The following LYVE1 variants were observed in gnomAD, a reference collection of about 807,000 sequenced individuals.
LYVE1 encodes lymphatic vessel endothelial hyaluronan receptor 1, also known as lymphatic vessel endothelial hyaluronic acid receptor 1.
Under a neutral mutation model 31.5 loss-of-function variants are expected in LYVE1, and 29 were observed. That is an observed-to-expected ratio of 0.92 (90% CI 0.69 to 1.26). The LOEUF (loss-of-function observed/expected upper bound fraction) is 1.26, where lower values mean the gene tolerates loss of function less well. LYVE1 is among the 50% of genes most tolerant of loss of function. LYVE1 has a pLI of 0.00. For missense variants in LYVE1, 376 were observed against 380.2 expected (o/e 0.99, Z 0.09); for synonymous variants, 134 against 139.4 (o/e 0.96, Z 0.27).
intron 3 of LYVE1, 57 bp downstream of exon 3, chr11:10,563,883 C>T (rs1850481081): frequency 1.2e-6 from 2 of 1,607,306 alleles, no homozygotes; most frequent in Non-Finnish European, 1.7e-6. Context: ...CCAGACAGGT[C>T]TCAGAGTGAG....
chr11:10,558,024 T>C lies in LYVE1; in HGVS notation c.*1087A>G. ...ACAATGTACTTCTTAGGTATGTTAA[T>C]AATAAATTAAGGTTATAATGGTTGC... is the stretch of plus-strand genomic sequence containing the variant. On this transcript the variant is annotated 3_prime_UTR_variant, in exon 6 of 6. Transcript: ENST00000256178. The C allele has an allele frequency of 6.6e-6, 1 of 152,208 alleles. No homozygotes were observed. The highest frequency in any genetic ancestry group is 1.5e-5 in the Non-Finnish European group (1 of 68,040). The allele number at this position is 152,208 out of a possible 1,614,324, so 9.4% of individuals were successfully genotyped here.
Position 10,559,252 on chromosome 11 carries a change from T to A in LYVE1, c.828A>T (p.Glu276Asp). 2 of 1,614,168 alleles carry A rather than the reference T, an allele frequency of 1.2e-6. No individual in the cohort carries two copies. The highest frequency in any genetic ancestry group is 1.7e-6 in the Non-Finnish European group (2 of 1,180,022). ...FPFTNKNQQK[E>D]MIETKVVKEE... is the part of the protein sequence containing the mutation. ...CCTTTACTACTTTGGTTTCGATCAT[T>A]TCCTTCTGCTGATTCTTGTTTGTAA... The change falls in exon 6 of 6, where the codon GAA becomes GAT. Residue 276 changes from glutamate to aspartate, a missense_variant. Coordinates refer to ENST00000256178, the MANE Select transcript of LYVE1 (RefSeq NM_006691.4).
chr11:10,568,305 A>G, intron 1 of LYVE1, 143 bp downstream of exon 1: 1 of 558,424 alleles, frequency 1.8e-6, no homozygotes, highest in Non-Finnish European at 2.9e-6. Context: ...ATATGGTGGT[A>G]CATTTTTGGC....
intron 2 of LYVE1, 51 bp from the exon 3 acceptor site, chr11:10,564,130 T>G: frequency 6.2e-7 from 1 of 1,614,050 alleles, no homozygotes; most frequent in Non-Finnish European, 8.5e-7. Flanking sequence ...GAAGGCTTCA[T>G]CTCTATTGCT....
rs1027875981 is a variant in LYVE1, at chr11:10,568,459, A to G, written c.74T>C (p.Leu25Ser). 1.9e-6 allele frequency: 3 copies of G among 1,614,022 alleles called. No individual in the cohort carries two copies. Among genetic ancestry groups the G allele is most frequent in the Non-Finnish European group, 2.5e-6 (3 of 1,179,922 alleles). ...WTTRLLVQGS[L>S]RAEELSIQVS... ...GGTGAGAAACCTACCTTCTGCACGC[A>G]AAGAGCCTTGGACCAGGAGCCTCGT... Residue 25 changes from leucine (L) to serine (S), a missense_variant, in exon 1 of 6, where the codon TTG (leucine) becomes TCG (serine). Coordinates refer to ENST00000256178, the MANE Select transcript of LYVE1 (RefSeq NM_006691.4).
rs1433490448 is a variant in LYVE1, at chr11:10,559,850, C to T, written c.748G>A (p.Ala250Thr). 3 of 1,613,932 alleles carry T rather than the reference C, an allele frequency of 1.9e-6. No individual in the cohort carries two copies. The highest frequency in any genetic ancestry group is 1.1e-5 in the South Asian group (1 of 91,076). ...TAGCAAAATCCAAGACCAGCTGCAG[C>T]ACCAAAGAAGAGGAGAGCAAGCACT... ...LLVLALLFFG[A>T]AAGLGFCYVK... is the part of the protein sequence containing the mutation. The change falls in exon 5 of 6, where the codon GCT (alanine) becomes ACT (threonine). Residue 250 changes from alanine to threonine, a missense_variant. Physicochemically the swap from Ala to Thr is moderately conservative, Grantham distance 58. Transcript: ENST00000256178.
intron 3 of LYVE1, among the ~76,000 whole-genome samples, chr11:10,563,241 GC>G (rs1850468604): frequency 6.6e-6 from 1 of 152,044 alleles, no homozygotes; most frequent in Non-Finnish European, 1.5e-5. Flanking sequence ...GAGCCACTGT[GC>G]CCGGCCTGAA....
At chr11:10,562,953 T>C (rs1295937937) in intron 3 of LYVE1, among the ~76,000 whole-genome samples, 4 of 135,534 alleles carry the variant, frequency 3.0e-5, no homozygotes, top group African/African-American at 1.1e-4. Context: ...TTTCTTTTTT[T>C]TTTTTTTTTT....
rs756672561 is a variant in LYVE1 at position 10,568,481 on chromosome 11, T to G, written c.52A>C (p.Arg18=). The part of the protein sequence containing the change: ...VLLLTSIWTT[R]LLVQGSLRAE... ...CGCAAAGAGCCTTGGACCAGGAGCC[T>G]CGTGGTCCAGATGGAAGTGAGAAGC... Residue 18 remains arginine, a synonymous_variant, in exon 1 of 6, where the codon AGG becomes CGG. Transcript: ENST00000256178. 2 of 1,613,948 alleles carry G rather than the reference T, an allele frequency of 1.2e-6. No homozygotes were observed. Among genetic ancestry groups the G allele is most frequent in the African/African-American group, 2.7e-5 (2 of 74,928 alleles).
In LYVE1 at chr11:10,559,907, G is replaced by A; in HGVS notation, c.704-13C>T. 1 of 1,597,878 alleles carries A rather than the reference G, an allele frequency of 6.3e-7. No individual in the cohort carries two copies. Among genetic ancestry groups the A allele is most frequent in the Non-Finnish European group, 8.6e-7 (1 of 1,165,288 alleles). On this transcript the variant is annotated splice_polypyrimidine_tract_variant and intron_variant, in intron 4 of 5. Transcript: ENST00000256178. Reference sequence around the variant, plus strand: ...GCCGTGGGGACACCTGCAAGGAACAGAGACAAGGCCTGTTGGTCCTTCACT... The same window carrying A: ...GCCGTGGGGACACCTGCAAGGAACAAAGACAAGGCCTGTTGGTCCTTCACT...
intron 3 of LYVE1, 111 bp downstream of exon 3, chr11:10,563,829 G>A: frequency 7.4e-7 from 1 of 1,349,266 alleles, no homozygotes; most frequent in Non-Finnish European, 1.0e-6. Context: ...GAATTAGATG[G>A]CCGTGGCTGT....
At position 10,563,956 on chromosome 11, in the gene LYVE1, A is replaced by G. The variant is rs763181084; in HGVS notation, c.381T>C (p.Tyr127=). The change falls in exon 3 of 6, where the codon TAT becomes TAC. Residue 127 remains tyrosine (Y), a synonymous_variant. Transcript: ENST00000256178. Reference sequence around the variant, plus strand: ...CAGACTCACCAGATGAGTTGTAACAATAGGCTGCAAACTGTCGGCTCACTG... The same window carrying G: ...CAGACTCACCAGATGAGTTGTAACAGTAGGCTGCAAACTGTCGGCTCACTG... ...KVPVSRQFAA[Y]CYNSSDTWTN... is the part of the protein sequence containing the mutation. 20 of 1,614,214 alleles carry G rather than the reference A, an allele frequency of 1.2e-5. No homozygotes were observed. The East Asian group carries it at 3.3e-4, about 27-fold the overall frequency.
intron 5 of LYVE1, among the ~76,000 whole-genome samples, chr11:10,559,501 T>C (rs780726764): frequency 4.6e-5 from 7 of 152,220 alleles, no homozygotes; most frequent in Admixed American, 1.3e-4. Context: ...GGCCAGACTT[T>C]AGGCTGACCA....
intron 3 of LYVE1, among the ~76,000 whole-genome samples, chr11:10,563,087 G>A (rs897851367): frequency 6.6e-6 from 1 of 151,266 alleles, no homozygotes; most frequent in Non-Finnish European, 1.5e-5. Context: ...CCGAGTAGCT[G>A]GGACTACAGG....
intron 3 of LYVE1, 41 bp downstream of exon 3, chr11:10,563,898 AC>A (rs772674256): frequency 9.9e-6 from 16 of 1,612,998 alleles, no homozygotes; most frequent in Non-Finnish European, 1.4e-5. Flanking sequence ...AGTGAGAGAT[AC>A]CCAGAGAATG....
chr11:10,563,890 TGA>T, intron 3 of LYVE1, 48 bp downstream of exon 3: 2 of 1,610,728 alleles, frequency 1.2e-6, no homozygotes, highest in Non-Finnish European at 8.5e-7. Context: ...GGTCTCAGAG[TGA>T]GAGATACCCA....
chr11:10,560,792 T>C lies in LYVE1; in HGVS notation c.406A>G (p.Thr136Ala). The change falls in exon 4 of 6, where the codon ACT becomes GCT. Residue 136 changes from threonine (T) to alanine (A), a missense_variant. Thr to Ala is a moderately conservative substitution (Grantham distance 58). Coordinates refer to ENST00000256178, the MANE Select transcript of LYVE1 (RefSeq NM_006691.4). ...ATAATTTCTGGAATGCACGAGTTAG[T>C]CCAAGTATCTGTTGGGATAGGGAAA... ...AYCYNSSDTW[T>A]NSCIPEIITT... 1.2e-6 allele frequency: 2 copies of C among 1,608,638 alleles called. No homozygotes were observed. The highest frequency in any genetic ancestry group is 1.3e-5 in the African/African-American group (1 of 74,892).
At chr11:10,566,498 C>T (rs1164097221) in intron 1 of LYVE1, among the ~76,000 whole-genome samples, 2 of 152,168 alleles carry the variant, frequency 1.3e-5, no homozygotes, top group Admixed American at 6.5e-5. Flanking sequence ...CACCCCTAGG[C>T]TGAACTCCCT....
chr11:10,567,511 A>C (rs1019709574), intron 1 of LYVE1, among the ~76,000 whole-genome samples: 8 of 152,260 alleles, frequency 5.3e-5, no homozygotes, highest in African/African-American at 1.9e-4. Context: ...CTTTCTTATA[A>C]AATGTAATGC....
Sources: allele counts gnomAD v4.1 joint callset (sites outside exome capture counted in the v4.1 genomes callset), GRCh38; gene constraint gnomAD v4.1.1; transcripts MANE v1.5; gene names NCBI Gene and HGNC (gene_info 2026-07-23, HGNC 2026-07-21).